The following PAM variants were observed in gnomAD, a reference collection of about 807,000 sequenced individuals.
PAM encodes the protein peptidyl-glycine alpha-amidating monooxygenase.
Under a neutral mutation model 122.1 loss-of-function variants are expected in PAM, and 72 were observed. The ratio of observed to expected loss-of-function variants is 0.59; its 90% CI spans 0.49 to 0.72. The LOEUF is 0.72. Ranked by LOEUF, PAM falls within the 30% of genes least tolerant of loss-of-function variation. The pLI is 0.00. For missense variants in PAM, 1,106 were observed against 1,183.7 expected, an observed-to-expected ratio of 0.93 and a Z score of 0.96; for synonymous variants, 389 against 404.4, an observed-to-expected ratio of 0.96 and a Z score of 0.46.
intron 15 of PAM, among the ~76,000 whole-genome samples, chr5:102,988,487 A>AAT (rs1772734878): frequency 6.6e-6 from 1 of 152,166 alleles, no homozygotes; most frequent in Non-Finnish European, 1.5e-5. Context: ...TACTAAGGCC[A>AAT]AAAACCACGT....
At chr5:102,924,833 G>A (rs1679838786) in intron 5 of PAM, 124 bp from the exon 6 acceptor site, 3 of 622,288 alleles carry the variant, frequency 4.8e-6, no homozygotes, top group South Asian at 2.1e-5. Context: ...CTAATATCAT[G>A]CAATGATGAT....
At chr5:103,009,240 A>G (rs1177192502) in intron 20 of PAM, among the ~76,000 whole-genome samples, 1 of 152,192 alleles carries the variant, frequency 6.6e-6, no homozygotes, top group African/African-American at 2.4e-5. Flanking sequence ...ATAATCTGAA[A>G]TATACATCTC....
intron 14 of PAM, among the ~76,000 whole-genome samples, chr5:102,963,156 A>G (rs1320175722): frequency 6.6e-6 from 1 of 151,886 alleles, no homozygotes; most frequent in Non-Finnish European, 1.5e-5. Flanking sequence ...AATGGCTAGC[A>G]TAGTCTGTGT....
chr5:102,864,051 ATACT>A (rs1246830951), intron 1 of PAM, among the ~76,000 whole-genome samples: 1 of 151,190 alleles, frequency 6.6e-6, no homozygotes, highest in African/African-American at 2.4e-5. Flanking sequence ...GAGAATTTTA[ATACT>A]TAATTTGTTT....
At chr5:102,877,281 A>G (rs937701969) in intron 3 of PAM, among the ~76,000 whole-genome samples, 4 of 152,248 alleles carry the variant, frequency 2.6e-5, no homozygotes, top group African/African-American at 9.6e-5. Flanking sequence ...ATTAGTTAAG[A>G]AATGTTAGCA....
intron 1 of PAM, among the ~76,000 whole-genome samples, chr5:102,803,131 A>G (rs940559874): frequency 6.6e-5 from 9 of 137,158 alleles, no homozygotes; most frequent in African/African-American, 2.4e-4. Context: ...TCCAAAAAAA[A>G]AGAAAGAAAG....
chr5:102,763,811 A>G (rs1270900245), intron 1 of PAM, among the ~76,000 whole-genome samples: 1 of 152,216 alleles, frequency 6.6e-6, no homozygotes, highest in East Asian at 1.9e-4. Context: ...CCAGTCCACA[A>G]AGGGTCTTGC....
chr5:102,860,316 G>A (rs371559013), intron 1 of PAM, among the ~76,000 whole-genome samples: 1 of 152,172 alleles, frequency 6.6e-6, no homozygotes, highest in South Asian at 2.1e-4. Context: ...GTTCACAAAG[G>A]GCAAGTGAGA....
chr5:102,799,627 A>G (rs1262762774), intron 1 of PAM, among the ~76,000 whole-genome samples: 1 of 152,196 alleles, frequency 6.6e-6, no homozygotes, highest in African/African-American at 2.4e-5. Context: ...CGGGTAATGA[A>G]CAAAAACTGC....
intron 1 of PAM, among the ~76,000 whole-genome samples, chr5:102,780,809 T>G (rs1269853914): frequency 3.4e-5 from 5 of 145,248 alleles, no homozygotes; most frequent in Non-Finnish European, 6.0e-5. Flanking sequence ...CTTTCTTTCT[T>G]TCTTTCTTTC....
At chr5:102,772,245 T>G (rs10053486) in intron 1 of PAM, among the ~76,000 whole-genome samples, 3,843 of 152,264 alleles carry the variant, frequency 0.025, 57 homozygotes, top group Middle Eastern at 0.075. Context: ...ATTATTATTG[T>G]ATGTTGTAAA....
At chr5:103,016,908 T>G (rs950221838) in intron 21 of PAM, among the ~76,000 whole-genome samples, 1 of 152,192 alleles carries the variant, frequency 6.6e-6, no homozygotes, top group Admixed American at 6.5e-5. Context: ...TAATAAAAAT[T>G]AATACCTAGA....
chr5:103,012,736 G>A (rs1780972833), intron 21 of PAM, among the ~76,000 whole-genome samples: 1 of 151,764 alleles, frequency 6.6e-6, no homozygotes, highest in Non-Finnish European at 1.5e-5. Flanking sequence ...GGCGCCTGTA[G>A]TCCCAGCTAC....
At chr5:102,999,606 TC>T (rs1473593247) in intron 16 of PAM, among the ~76,000 whole-genome samples, 1 of 152,226 alleles carries the variant, frequency 6.6e-6, no homozygotes, top group Non-Finnish European at 1.5e-5. Flanking sequence ...GAAAACTTCT[TC>T]CTGGACCTCC....
intron 7 of PAM, among the ~76,000 whole-genome samples, chr5:102,928,456 A>G (rs1459000591): frequency 6.6e-6 from 1 of 152,068 alleles, no homozygotes; most frequent in Non-Finnish European, 1.5e-5. Flanking sequence ...GTAGTTTTTT[A>G]TTTTCTCTTA....
chr5:102,843,274 T>C (rs892111942), intron 1 of PAM, among the ~76,000 whole-genome samples: 1 of 152,148 alleles, frequency 6.6e-6, no homozygotes, highest in Non-Finnish European at 1.5e-5. Flanking sequence ...AAAGTTACTA[T>C]TAAATTGAGA....
intron 1 of PAM, among the ~76,000 whole-genome samples, chr5:102,818,951 C>G (rs1458122687): frequency 1.3e-5 from 2 of 152,104 alleles, no homozygotes; most frequent in African/African-American, 2.4e-5. Flanking sequence ...AAAAACATAA[C>G]GAACTGTTGA....
intron 14 of PAM, among the ~76,000 whole-genome samples, chr5:102,962,490 T>A (rs1469613144): frequency 6.6e-6 from 1 of 151,842 alleles, no homozygotes; most frequent in Admixed American, 6.6e-5. Flanking sequence ...GTCTTTAAAA[T>A]AATTTTGTCT....
chr5:102,961,274 T>A (rs771355714), intron 14 of PAM, 45 bp downstream of exon 14: 21 of 1,065,440 alleles, frequency 2.0e-5, no homozygotes, highest in Non-Finnish European at 2.9e-5. Context: ...AAGTATCAAT[T>A]TCCAAGTAGG....
Sources: allele counts gnomAD v4.1 joint callset (sites outside exome capture counted in the v4.1 genomes callset), GRCh38; gene constraint gnomAD v4.1.1; transcripts MANE v1.5; gene names NCBI Gene and HGNC (gene_info 2026-07-23, HGNC 2026-07-21).